Variants in EMC3 observed in about 807,000 individuals in gnomAD.
The protein encoded by EMC3 is ER membrane protein complex subunit 3.
In EMC3, 13 loss-of-function variants were observed where a neutral mutation model predicts 36.6. The ratio of observed to expected loss-of-function variants is 0.35; its 90% CI spans 0.23 to 0.56. The LOEUF (loss-of-function observed/expected upper bound fraction) is 0.56, where lower values mean the gene tolerates loss of function less well. Among genes scored for constraint, EMC3 ranks in the 20% least tolerant of loss-of-function variants. EMC3 has a pLI of 0.84. For missense variants in EMC3, 220 were observed against 324.5 expected (o/e 0.68, Z 2.47); for synonymous variants, 120 against 111.9 (o/e 1.07, Z -0.46).
chr3:10,003,185 G>A, intron 1 of EMC3: 1 of 456,690 alleles, frequency 2.2e-6, no homozygotes, highest in South Asian at 1.5e-5. Flanking sequence ...AGCAGTGGCA[G>A]AGACCCAGAA....
At position 9,963,472 on chromosome 3, in the gene EMC3, TATA is replaced by T. The variant is rs1295302517; in HGVS notation, c.*594_*596del. On this transcript the variant is annotated 3_prime_UTR_variant, in exon 8 of 8. Coordinates refer to ENST00000245046, the MANE Select transcript of EMC3 (RefSeq NM_001394674.1). ...TAAGATAGATATATATATATATATA[TATA>T]TATTTTTTTTTTTTTTTCAGATGGA... 4 of 71,146 alleles carry T rather than the reference TATA, an allele frequency of 5.6e-5. No homozygotes were observed. The highest frequency in any genetic ancestry group is 1.5e-4 in the African/African-American group (2 of 12,996). The allele number at this position is 71,146 out of a possible 1,614,324, so 4.4% of individuals were successfully genotyped here.
upstream of EMC3, chr3:9,986,915 TG>T (rs2085981618): frequency 3.1e-6 from 4 of 1,282,784 alleles, no homozygotes; most frequent in African/African-American, 6.0e-5. Flanking sequence ...GGCGGGAAAG[TG>T]GAAAACTATC....
rs61596273 is a variant in EMC3, at chr3:9,963,477, A to ATATATTTTTTTTTTTT, written c.*591_*592insAAAAAAAAAAAATATA. On this transcript the variant is annotated 3_prime_UTR_variant, in exon 8 of 8. Transcript: ENST00000245046. ...TAGATATATATATATATATATATAT[A>ATATATTTTTTTTTTTT]TTTTTTTTTTTTTTTCAGATGGAGT... 4 of 88,926 alleles carry ATATATTTTTTTTTTTT rather than the reference A, an allele frequency of 4.5e-5. No individual in the cohort carries two copies. The highest frequency in any genetic ancestry group is 1.9e-4 in the African/African-American group (4 of 21,328). The allele number at this position is 88,926 out of a possible 1,614,324, so 5.5% of individuals were successfully genotyped here.
At position 9,963,659 on chromosome 3, in the gene EMC3, G is replaced by C. The variant is rs570432248; in HGVS notation, c.*410C>G. 1.9e-3 allele frequency: 291 copies of C among 154,134 alleles called. 2 individuals carry two copies. Among genetic ancestry groups the C allele is most frequent in the African/African-American group, 6.5e-3 (268 of 41,092 alleles). 9.5% of individuals were successfully genotyped at this position (154,134 alleles called of 1,614,324 possible). On this transcript the variant is annotated 3_prime_UTR_variant, in exon 8 of 8. Coordinates refer to ENST00000245046, the MANE Select transcript of EMC3 (RefSeq NM_001394674.1). ...CGGCTAATTTTTTTTTGTATTTTTA[G>C]TAGAGATGGGGTTTCACCATCTTGG...
At chr3:9,973,557 T>A in intron 5 of EMC3, 71 bp downstream of exon 5, 2 of 1,404,256 alleles carry the variant, frequency 1.4e-6, no homozygotes, top group Non-Finnish European at 2.0e-6. Flanking sequence ...ACTCATGGGC[T>A]CAAGTGATCC....
intron 1 of EMC3, among the ~76,000 whole-genome samples, chr3:9,985,182 T>A (rs1414440034): frequency 1.3e-5 from 2 of 152,228 alleles, no homozygotes; most frequent in Non-Finnish European, 2.9e-5. Flanking sequence ...CTATATGATT[T>A]TAAAGGAATC....
intron 1 of EMC3, chr3:10,002,940 A>G (rs1260484985): frequency 2.2e-6 from 1 of 451,016 alleles, no homozygotes; most frequent in South Asian, 1.6e-5. Context: ...GAGTCCCAGA[A>G]ATGTCCCTGG....
chr3:9,986,991 G>A (rs1486432494), upstream of EMC3: 1 of 1,091,270 alleles, frequency 9.2e-7, no homozygotes, highest in East Asian at 6.6e-5. Context: ...CAAGGTGGGG[G>A]GATCACGAGG....
At chr3:9,998,366 A>AAATAATAAT (rs35879571) in intron 1 of EMC3, among the ~76,000 whole-genome samples, 14,296 of 137,238 alleles carry the variant, frequency 0.1, 883 homozygotes, top group Middle Eastern at 0.18. Flanking sequence ...ACTCTGTCTC[A>AAATAATAAT]AATAATAATA....
intron 1 of EMC3, among the ~76,000 whole-genome samples, chr3:9,983,908 A>G (rs1397424009): frequency 6.6e-6 from 1 of 152,146 alleles, no homozygotes; most frequent in Non-Finnish European, 1.5e-5. Context: ...CTTTGGGAAG[A>G]CTACTTAACT....
chr3:9,973,490 G>T, intron 5 of EMC3, 138 bp downstream of exon 5: 1 of 712,414 alleles, frequency 1.4e-6, no homozygotes, highest in Non-Finnish European at 2.4e-6. Context: ...CACTGCGCCC[G>T]GCCTGTTTTC....
chr3:9,981,859 C>T (rs779201542), intron 1 of EMC3: 4 of 337,764 alleles, frequency 1.2e-5, no homozygotes, highest in Non-Finnish European at 2.3e-5. Flanking sequence ...AGTCTGAGAA[C>T]CATTTTTTAC....
upstream of EMC3, among the ~76,000 whole-genome samples, chr3:9,990,137 A>G (rs1168402265): frequency 2.7e-5 from 4 of 150,664 alleles, no homozygotes; most frequent in African/African-American, 9.8e-5. Context: ...CCATTCTTCT[A>G]CCTCAGCCTC....
At chr3:9,969,579 C>T (rs886918983) in intron 7 of EMC3, 140 bp downstream of exon 7, 47 of 1,532,988 alleles carry the variant, frequency 3.1e-5, no homozygotes, top group Non-Finnish European at 3.5e-5. Flanking sequence ...GAAAGAGAGA[C>T]GTGTAAACTA....
chr3:9,965,592 C>T (rs2085730036), intron 7 of EMC3, among the ~76,000 whole-genome samples: 1 of 152,100 alleles, frequency 6.6e-6, no homozygotes, highest in Non-Finnish European at 1.5e-5. Context: ...ATATGTGCAA[C>T]CACCACCACT....
At chr3:9,966,838 G>C (rs1014763324) in intron 7 of EMC3, among the ~76,000 whole-genome samples, 3 of 152,162 alleles carry the variant, frequency 2.0e-5, no homozygotes, top group African/African-American at 7.2e-5. Context: ...GCCTCCCAAA[G>C]TGCTGGGATT....
At position 10,000,983 on chromosome 3, in the gene EMC3, G is replaced by T. The variant is rs151189483; in HGVS notation, c.-242+10040C>A. ...CTTTTTAGTCCCTGGGGCCACGAAG[G>T]TTGCCACTCCAAAGCCGGACAACCC... is the stretch of plus-strand genomic sequence containing the variant. On this transcript the variant is annotated intron_variant, in intron 1 of 8. Transcript: ENST00000470827. 1.8e-3 allele frequency: 488 copies of T among 273,420 alleles called. 3 individuals are homozygous for T. Among genetic ancestry groups the T allele is most frequent in the African/African-American group, 0.01 (459 of 45,622 alleles). The allele number at this position is 273,420 out of a possible 1,614,324, so 16.9% of individuals were successfully genotyped here.
At chr3:9,987,494 G>A (rs1249540437), upstream of EMC3, among the ~76,000 whole-genome samples, 1 of 152,142 alleles carries the variant, frequency 6.6e-6, no homozygotes, top group Non-Finnish European at 1.5e-5. Flanking sequence ...AACTAGTCCA[G>A]GCAGTCGGCC....
intron 3 of EMC3, among the ~76,000 whole-genome samples, chr3:9,976,367 C>A (rs2085850448): frequency 6.6e-6 from 1 of 152,152 alleles, no homozygotes; most frequent in Non-Finnish European, 1.5e-5. Context: ...ACTCAGCCTC[C>A]CAAAATGCAA....
Sources: gnomAD v4.1 joint callset for allele counts (sites outside exome capture counted in the v4.1 genomes callset) on GRCh38, gnomAD v4.1.1 for gene constraint, MANE v1.5 for transcripts, NCBI Gene and HGNC (gene_info 2026-07-23, HGNC 2026-07-21) for gene names.